The following TEX26 variants were observed in gnomAD, a reference collection of about 807,000 sequenced individuals.
TEX26 encodes the protein testis expressed 26, also known as testis-expressed protein 26.
Under a neutral mutation model 35.3 loss-of-function variants are expected in TEX26, and 34 were observed. The ratio of observed to expected loss-of-function variants is 0.96; its 90% CI spans 0.73 to 1.28. The LOEUF (loss-of-function observed/expected upper bound fraction) is 1.28. TEX26 is among the 50% of genes most tolerant of loss of function. The probability of loss-of-function intolerance (pLI) is 0.00; values close to 1 mark genes in which losing one functional copy is unlikely to be tolerated. For synonymous variants in TEX26, 136 were observed against 111.8 expected, an observed-to-expected ratio of 1.22 and a Z score of -1.36; for missense variants, 371 against 330.1, an observed-to-expected ratio of 1.12 and a Z score of -0.96.
chr13:30,969,042 C>A lies in TEX26; in HGVS notation c.804C>A (p.Tyr268Ter). ...AAGAGTACCTTCAGAGTCTTTCCTACAAAGGTAAGATGAGGTCTTATTTCA... is the reference window on the plus strand; with the variant it reads ...AAGAGTACCTTCAGAGTCTTTCCTAAAAAGGTAAGATGAGGTCTTATTTCA... The part of the protein sequence containing the change: ...QVKEYLQSLS[Y>*]KDRQIIDRFI... Residue 268 changes from tyrosine (Y) to a stop codon, truncating the protein, a stop_gained, in exon 6 of 7, where the codon TAC becomes TAA. Transcript: ENST00000380473. LOFTEE classifies it low-confidence loss of function (END_TRUNC). The A allele has an allele frequency of 6.2e-7, 1 of 1,612,000 alleles. No individual in the cohort carries two copies. The highest frequency in any genetic ancestry group is 1.1e-5 in the South Asian group (1 of 90,668).
Position 30,952,760 on chromosome 13 carries a change from AAAG to A in TEX26, c.252_254del (p.Glu84del). 2.5e-6 allele frequency: 4 copies of A among 1,613,120 alleles called. No homozygotes were observed. Among genetic ancestry groups the A allele is most frequent in the Middle Eastern group, 1.7e-4 (1 of 6,014 alleles). On this transcript the variant is annotated inframe_deletion, in exon 3 of 7. Coordinates refer to ENST00000380473, the MANE Select transcript of TEX26 (RefSeq NM_152325.3). ...TGAGTACACTTGGAAATCACACTCTAAAGAAGATTTGATCAAAACTGAGACTTC... is the reference window on the plus strand; with the variant it reads ...TGAGTACACTTGGAAATCACACTCTAAAGATTTGATCAAAACTGAGACTTC...
intron 1 of TEX26, chr13:30,936,661 C>T: frequency 2.0e-6 from 2 of 985,248 alleles, no homozygotes; most frequent in Non-Finnish European, 2.4e-6. Context: ...TGTGAGTTCT[C>T]CAAGGCCAGG....
At chr13:30,941,251 A>G (rs908612244) in intron 2 of TEX26, among the ~76,000 whole-genome samples, 1 of 152,186 alleles carries the variant, frequency 6.6e-6, no homozygotes, top group Non-Finnish European at 1.5e-5. Context: ...AGATTTCCAA[A>G]AAGTACAAGG....
At chr13:30,955,160 A>C (rs1400262889) in intron 3 of TEX26, among the ~76,000 whole-genome samples, 1 of 152,242 alleles carries the variant, frequency 6.6e-6, no homozygotes, top group African/African-American at 2.4e-5. Flanking sequence ...AACACTAATG[A>C]TAGCTGATGA....
In TEX26 at chr13:30,970,818, C is replaced by T. The variant is rs1462981675; in HGVS notation, c.808+1772C>T. Among the ~76,000 whole-genome samples, 5 of 152,026 alleles carry T rather than the reference C, an allele frequency of 3.3e-5. No individual in the cohort carries two copies. In the South Asian group the frequency reaches 6.2e-4, roughly 19 times the overall value. On this transcript the variant is annotated intron_variant, in intron 6 of 6. Transcript: ENST00000380473. ...GGGACTCCTCAAAGTGCTCTGGCAG[C>T]CTCAGATCTACATTCTCCAAGATAC...
intron 4 of TEX26, among the ~76,000 whole-genome samples, chr13:30,964,277 G>A (rs1954450122): frequency 6.6e-6 from 1 of 151,906 alleles, no homozygotes; most frequent in African/African-American, 2.4e-5. Context: ...CTGGAATGAG[G>A]GTCAGCAGAT....
intron 4 of TEX26, among the ~76,000 whole-genome samples, chr13:30,962,510 C>G (rs545865601): frequency 3.3e-5 from 5 of 152,342 alleles, no homozygotes; most frequent in Admixed American, 1.3e-4. Context: ...CTTCTGGAAG[C>G]CTTCTTTGAT....
At chr13:30,940,371 T>A (rs1407867997) in intron 2 of TEX26, among the ~76,000 whole-genome samples, 4 of 129,618 alleles carry the variant, frequency 3.1e-5, no homozygotes, top group Non-Finnish European at 1.6e-5. Context: ...TCTCGCTCTG[T>A]CGCCCAGGCT....
intron 4 of TEX26, among the ~76,000 whole-genome samples, chr13:30,964,816 C>T (rs1042268658): frequency 4.1e-4 from 63 of 152,308 alleles, no homozygotes; most frequent in Admixed American, 3.6e-3. Flanking sequence ...GCCAAACTCA[C>T]CTTTTTGTCA....
intron 6 of TEX26, among the ~76,000 whole-genome samples, chr13:30,974,599 C>G (rs1013650821): frequency 8.5e-5 from 13 of 152,170 alleles, no homozygotes; most frequent in African/African-American, 3.1e-4. Context: ...CTGTTTCATT[C>G]TGAAATTCGT....
chr13:30,966,162 G>A (rs1733038041), intron 4 of TEX26, 60 bp from the exon 5 acceptor site: 1 of 1,584,610 alleles, frequency 6.3e-7, no homozygotes, highest in African/African-American at 1.4e-5. Context: ...CAGCAAGAGT[G>A]GGTTTAGCTA....
At chr13:30,936,594 G>A (rs1953280930) in intron 1 of TEX26, 14 of 781,578 alleles carry the variant, frequency 1.8e-5, no homozygotes, top group Non-Finnish European at 2.2e-5. Flanking sequence ...GTGACACATA[G>A]GACATCAGCA....
chr13:30,959,803 A>G (rs1012284129), intron 4 of TEX26, among the ~76,000 whole-genome samples: 2 of 152,192 alleles, frequency 1.3e-5, no homozygotes, highest in African/African-American at 4.8e-5. Context: ...CTAGATTGAA[A>G]GGGCCCCTGA....
chr13:30,941,617 A>G (rs73165078), intron 2 of TEX26, among the ~76,000 whole-genome samples: 1,537 of 152,212 alleles, frequency 0.01, 7 homozygotes, highest in South Asian at 0.021. Flanking sequence ...TGTACCCAAT[A>G]TGTAATTTTT....
chr13:30,952,599 G>T, intron 2 of TEX26, 61 bp from the exon 3 acceptor site: 1 of 1,365,488 alleles, frequency 7.3e-7, no homozygotes, highest in Non-Finnish European at 1.0e-6. Context: ...TTTGACATGT[G>T]TACTTTTGTG....
chr13:30,951,833 C>A (rs1342072605), intron 2 of TEX26, among the ~76,000 whole-genome samples: 2 of 151,246 alleles, frequency 1.3e-5, no homozygotes, highest in East Asian at 3.9e-4. Flanking sequence ...TGTCTCATAA[C>A]TTTTTTTTAA....
At position 30,966,409 on chromosome 13, in the gene TEX26, C is replaced by A; in HGVS notation, c.646+11C>A. Reference sequence around the variant, plus strand: ...CTTCTCAGGGTCTAGGTGAGTACAGCTGCAGTTTCTTTTTCTTTTTCTCTT... The same window carrying A: ...CTTCTCAGGGTCTAGGTGAGTACAGATGCAGTTTCTTTTTCTTTTTCTCTT... On this transcript the variant is annotated intron_variant, in intron 5 of 6. Coordinates refer to ENST00000380473, the MANE Select transcript of TEX26 (RefSeq NM_152325.3). 6.6e-7 allele frequency: 1 copy of A among 1,523,900 alleles called. No homozygotes were observed. Among genetic ancestry groups the A allele is most frequent in the Non-Finnish European group, 8.8e-7 (1 of 1,131,094 alleles). 94.4% of individuals were successfully genotyped at this position (1,523,900 alleles called of 1,614,324 possible).
At chr13:30,970,351 T>C (rs2138347255) in intron 6 of TEX26, among the ~76,000 whole-genome samples, 1 of 152,200 alleles carries the variant, frequency 6.6e-6, no homozygotes, top group South Asian at 2.1e-4. Context: ...GAGTATACAT[T>C]TTCTGTTGAG....
intron 2 of TEX26, among the ~76,000 whole-genome samples, chr13:30,946,003 T>A (rs1953694324): frequency 6.6e-6 from 1 of 151,976 alleles, no homozygotes. Flanking sequence ...TCTAAATTTC[T>A]AGCAAGCTCA....
Sources: allele counts gnomAD v4.1 joint callset (sites outside exome capture counted in the v4.1 genomes callset), GRCh38; gene constraint gnomAD v4.1.1; transcripts MANE v1.5; gene names NCBI Gene and HGNC (gene_info 2026-07-23, HGNC 2026-07-21).